GRIA1: variants seen among roughly 807,000 people sequenced by gnomAD.
GRIA1 encodes the protein glutamate ionotropic receptor AMPA type subunit 1, also known as glutamate receptor 1.
GRIA1 carries 31 observed loss-of-function variants against 99.2 expected under a neutral mutation model. The observed-to-expected ratio is 0.31, with a 90% CI of 0.23 to 0.42. GRIA1 has a LOEUF of 0.42. Among genes scored for constraint, GRIA1 ranks in the 10% least tolerant of loss-of-function variants. The pLI, the probability that GRIA1 is intolerant of heterozygous loss-of-function variation, is 1.00. For missense variants in GRIA1, 782 were observed against 1,157.5 expected (o/e 0.68, Z 4.71); for synonymous variants, 438 against 432.4 (o/e 1.01, Z -0.16).
At chr5:153,806,786 A>G (rs554872200) in intron 15 of GRIA1, among the ~76,000 whole-genome samples, 2 of 152,352 alleles carry the variant, frequency 1.3e-5, no homozygotes, top group African/African-American at 4.8e-5. Context: ...TGATTTCTAC[A>G]CATTTTCATT....
At chr5:153,541,886 C>G (rs533646145) in intron 2 of GRIA1, among the ~76,000 whole-genome samples, 1 of 146,926 alleles carries the variant, frequency 6.8e-6, no homozygotes, top group Non-Finnish European at 1.5e-5. Flanking sequence ...GCTGAGATCA[C>G]GCCACTGCAC....
At chr5:153,703,498 A>G (rs1282611043) in intron 10 of GRIA1, among the ~76,000 whole-genome samples, 1 of 152,226 alleles carries the variant, frequency 6.6e-6, no homozygotes, top group African/African-American at 2.4e-5. Flanking sequence ...TAATCCCAGC[A>G]CTTTGGGAGG....
At chr5:153,506,674 A>T (rs1175848629) in intron 2 of GRIA1, among the ~76,000 whole-genome samples, 2 of 151,994 alleles carry the variant, frequency 1.3e-5, no homozygotes, top group African/African-American at 4.8e-5. Context: ...TTTAATCTTC[A>T]CTCCAGACAC....
At chr5:153,533,820 C>A (rs897560949) in intron 2 of GRIA1, among the ~76,000 whole-genome samples, 1 of 152,196 alleles carries the variant, frequency 6.6e-6, no homozygotes, top group African/African-American at 2.4e-5. Context: ...TAAGCACATC[C>A]CATGCATAAT....
intron 8 of GRIA1, among the ~76,000 whole-genome samples, chr5:153,693,899 A>C (rs1757925978): frequency 6.6e-6 from 1 of 152,208 alleles, no homozygotes; most frequent in East Asian, 1.9e-4. Context: ...GTCTGTTCAA[A>C]AATCTTTGCC....
At chr5:153,751,430 A>C (rs752656973) in intron 11 of GRIA1, among the ~76,000 whole-genome samples, 4 of 152,268 alleles carry the variant, frequency 2.6e-5, no homozygotes, top group Non-Finnish European at 5.9e-5. Flanking sequence ...GGAGTCAGCA[A>C]ACTATGGCCC....
At chr5:153,647,843 A>T (rs1325767949) in intron 3 of GRIA1, among the ~76,000 whole-genome samples, 1 of 151,972 alleles carries the variant, frequency 6.6e-6, no homozygotes, top group Non-Finnish European at 1.5e-5. Context: ...ATGTTATTCC[A>T]GTTTTCTGGA....
intron 11 of GRIA1, among the ~76,000 whole-genome samples, chr5:153,707,456 T>A (rs1402025107): frequency 6.6e-6 from 1 of 152,176 alleles, no homozygotes; most frequent in Non-Finnish European, 1.5e-5. Context: ...GCCTGATAAA[T>A]AAGCACTGAC....
At chr5:153,796,278 T>G (rs972272506) in intron 14 of GRIA1, among the ~76,000 whole-genome samples, 4 of 152,122 alleles carry the variant, frequency 2.6e-5, no homozygotes, top group Non-Finnish European at 5.9e-5. Context: ...TGGCAAAACT[T>G]CAAGCATTCA....
intron 11 of GRIA1, among the ~76,000 whole-genome samples, chr5:153,738,936 G>A (rs1761584405): frequency 6.6e-6 from 1 of 151,718 alleles, no homozygotes; most frequent in Admixed American, 6.6e-5. Flanking sequence ...TAGCCAGGAT[G>A]GTCTCGAACT....
chr5:153,723,390 C>T (rs918411344), intron 11 of GRIA1, among the ~76,000 whole-genome samples: 36 of 152,180 alleles, frequency 2.4e-4, no homozygotes, highest in Non-Finnish European at 1.3e-4. Flanking sequence ...AGACAGTGGG[C>T]GCAGGACAGT....
At chr5:153,749,022 T>C (rs1427138552) in intron 11 of GRIA1, among the ~76,000 whole-genome samples, 2 of 152,074 alleles carry the variant, frequency 1.3e-5, no homozygotes, top group Non-Finnish European at 2.9e-5. Flanking sequence ...AGAAGAGGGC[T>C]GAGGCTTGAG....
chr5:153,761,240 C>A (rs972716520), intron 11 of GRIA1, among the ~76,000 whole-genome samples: 1 of 152,078 alleles, frequency 6.6e-6, no homozygotes, highest in Admixed American at 6.6e-5. Flanking sequence ...AAGAAACAAG[C>A]TACAGAATAG....
chr5:153,715,608 C>T (rs780042745), intron 11 of GRIA1, among the ~76,000 whole-genome samples: 1 of 152,040 alleles, frequency 6.6e-6, no homozygotes, highest in South Asian at 2.1e-4. Flanking sequence ...TCATGGAAAA[C>T]ATTTGCCTTG....
In GRIA1 at chr5:153,798,322, C is replaced by A. The variant is rs539115997; in HGVS notation, c.2385+3587C>A. On this transcript the variant is annotated intron_variant, in intron 14 of 15. Transcript: ENST00000285900. ...GGAAACGGTCCTTAAGCCAAAAATA[C>A]AAGTTTTGAGAAAGCACAAAAGAAA... 2.0e-5 allele frequency among the ~76,000 whole-genome samples: 3 copies of A among 152,252 alleles called. No individual in the cohort carries two copies. In the South Asian group the frequency reaches 6.2e-4, roughly 32 times the overall value.
At chr5:153,671,158 C>T (rs1228435330) in intron 5 of GRIA1, among the ~76,000 whole-genome samples, 1 of 152,092 alleles carries the variant, frequency 6.6e-6, no homozygotes, top group Non-Finnish European at 1.5e-5. Flanking sequence ...GCTGCACTAA[C>T]CTTGTTGTCA....
intron 2 of GRIA1, among the ~76,000 whole-genome samples, chr5:153,603,856 A>T (rs1343382162): frequency 1.3e-5 from 2 of 152,190 alleles, no homozygotes; most frequent in African/African-American, 2.4e-5. Context: ...ATAATTCCCC[A>T]TACCACAGGG....
intron 10 of GRIA1, 77 bp downstream of exon 10, chr5:153,699,150 C>T (rs1758329372): frequency 1.0e-6 from 1 of 995,240 alleles, no homozygotes. Context: ...GGTTGGGTGG[C>T]CCTGCCCACA....
intron 11 of GRIA1, among the ~76,000 whole-genome samples, chr5:153,731,062 C>G (rs1760977018): frequency 6.6e-6 from 1 of 152,036 alleles, no homozygotes; most frequent in Non-Finnish European, 1.5e-5. Flanking sequence ...CACTGTATGC[C>G]TCAAATCTAA....
Sources: gnomAD v4.1 joint callset for allele counts (sites outside exome capture counted in the v4.1 genomes callset) on GRCh38, gnomAD v4.1.1 for gene constraint, MANE v1.5 for transcripts, NCBI Gene and HGNC (gene_info 2026-07-23, HGNC 2026-07-21) for gene names.